LARGE1: variants seen among roughly 807,000 people sequenced by gnomAD.
The protein encoded by LARGE1 is LARGE xylosyl- and glucuronyltransferase 1.
Under a neutral mutation model 87.6 loss-of-function variants are expected in LARGE1, and 43 were observed. The ratio of observed to expected loss-of-function variants is 0.49; its 90% confidence interval spans 0.38 to 0.63. The LOEUF (loss-of-function observed/expected upper bound fraction) is 0.63, where lower values mean the gene tolerates loss of function less well. Among genes scored for constraint, LARGE1 ranks in the 30% least tolerant of loss-of-function variants. LARGE1 has a pLI of 0.00. For missense variants in LARGE1, 802 were observed against 1,000.2 expected, an observed-to-expected ratio of 0.80 and a Z score of 2.67; for synonymous variants, 434 against 394.6, an observed-to-expected ratio of 1.10 and a Z score of -1.18.
At chr22:33,367,842 T>C (rs951066619) in intron 9 of LARGE1, among the ~76,000 whole-genome samples, 29 of 152,356 alleles carry the variant, frequency 1.9e-4, no homozygotes, top group African/African-American at 6.7e-4. Flanking sequence ...CCTTACATGT[T>C]ATTTTATCCC....
At chr22:33,343,207 C>A (rs945818111) in intron 9 of LARGE1, among the ~76,000 whole-genome samples, 2 of 152,152 alleles carry the variant, frequency 1.3e-5, no homozygotes, top group Non-Finnish European at 2.9e-5. Flanking sequence ...GGGCTCACTG[C>A]AGCCTCAATC....
intron 11 of LARGE1, among the ~76,000 whole-genome samples, chr22:33,175,933 ATGGTAC>A (rs1922843162): frequency 6.6e-6 from 1 of 152,214 alleles, no homozygotes; most frequent in Non-Finnish European, 1.5e-5. Context: ...CCAAAACAGC[ATGGTAC>A]TGGTACCAAA....
In LARGE1 at chr22:33,457,521, TATTAA is replaced by T. The variant is rs1296718416; in HGVS notation, c.788-25261_788-25257del. ...TTTATGAAGTATAAAGGATAGTCCT[TATTAA>T]ATTAAAAAAAGATATAATTGCTGAC... On this transcript the variant is annotated intron_variant, in intron 6 of 14. Transcript: ENST00000397394. Among the ~76,000 whole-genome samples, 3 of 151,928 alleles carry T rather than the reference TATTAA, an allele frequency of 2.0e-5. No individual in the cohort carries two copies. The East Asian group carries it at 5.8e-4, about 29-fold the overall frequency.
chr22:33,711,161 G>A (rs757430888), intron 2 of LARGE1, among the ~76,000 whole-genome samples: 1 of 152,154 alleles, frequency 6.6e-6, no homozygotes, highest in Non-Finnish European at 1.5e-5. Context: ...GGTGAACAAG[G>A]TGAAGCAAGG....
chr22:33,277,370 C>T (rs1929536093), intron 13 of LARGE1, 115 bp from the exon 14 acceptor site: 1 of 967,718 alleles, frequency 1.0e-6, no homozygotes, highest in Non-Finnish European at 1.6e-6. Context: ...GTGAGTTGAA[C>T]TGTCTCCCTC....
intron 1 of LARGE1, among the ~76,000 whole-genome samples, chr22:33,777,611 C>T (rs1221080479): frequency 7.4e-6 from 1 of 135,688 alleles, no homozygotes; most frequent in Non-Finnish European, 1.6e-5. Context: ...CCACTGCACT[C>T]CAGTCTGGGC....
chr22:33,110,953 C>G, the LARGE1 span, among the ~76,000 whole-genome samples: 1 of 152,114 alleles, frequency 6.6e-6, no homozygotes. Flanking sequence ...CAGAGGTAAA[C>G]AAAAAAGCTC....
the LARGE1 span, among the ~76,000 whole-genome samples, chr22:33,146,929 T>G: frequency 6.6e-6 from 1 of 152,212 alleles, no homozygotes; most frequent in Non-Finnish European, 1.5e-5. Context: ...AACCCATTAG[T>G]CTGACCTTCA....
At chr22:33,667,777 T>C (rs1001819221) in intron 2 of LARGE1, among the ~76,000 whole-genome samples, 2 of 152,248 alleles carry the variant, frequency 1.3e-5, no homozygotes, top group East Asian at 1.9e-4. Context: ...GTTTATCACA[T>C]ACAAACATGC....
At chr22:33,363,248 G>A (rs1412970352) in intron 9 of LARGE1, among the ~76,000 whole-genome samples, 2 of 149,670 alleles carry the variant, frequency 1.3e-5, no homozygotes, top group East Asian at 1.9e-4. Context: ...GTATAAGTCC[G>A]TTTTCACGCT....
chr22:33,597,289 A>C (rs895653069), intron 5 of LARGE1, among the ~76,000 whole-genome samples: 11 of 152,102 alleles, frequency 7.2e-5, no homozygotes, highest in South Asian at 2.1e-4. Flanking sequence ...AAAAAAAAAA[A>C]AAAAAAAAAC....
intron 12 of LARGE1, among the ~76,000 whole-genome samples, chr22:33,299,113 A>G (rs1026143655): frequency 6.6e-6 from 1 of 151,968 alleles, no homozygotes; most frequent in African/African-American, 2.4e-5. Context: ...TGGGGAGACT[A>G]AAGTGGGAGC....
chr22:33,868,427 C>G (rs2064173248), intron 1 of LARGE1, among the ~76,000 whole-genome samples: 2 of 152,176 alleles, frequency 1.3e-5, no homozygotes, highest in Admixed American at 1.3e-4. Flanking sequence ...TGTATCTGAT[C>G]TACAAGGATT....
Position 33,304,254 on chromosome 22 carries a change from T to A in LARGE1, c.1705A>T (p.Met569Leu). Residue 569 changes from methionine to leucine, a missense_variant, in exon 12 of 15, where the codon ATG becomes TTG. Met to Leu is a conservative substitution (Grantham distance 15, BLOSUM62 2). Coordinates refer to ENST00000397394, the MANE Select transcript of LARGE1 (RefSeq NM_133642.5). Reference sequence around the variant, plus strand: ...CTGAGGTACTCATAGAGCCCATACATGGGCAGGAAGTCAATGTCAGACAGG... The same window carrying A: ...CTGAGGTACTCATAGAGCCCATACAAGGGCAGGAAGTCAATGTCAGACAGG... Reference protein sequence around the residue: ...MFLSDIDFLPMYGLYEYLRKS... With the variant: ...MFLSDIDFLPLYGLYEYLRKS... The A allele has an allele frequency of 6.2e-7, 1 of 1,614,256 alleles. No individual in the cohort carries two copies. Among genetic ancestry groups the A allele is most frequent in the South Asian group, 1.1e-5 (1 of 91,086 alleles).
intron 2 of LARGE1, among the ~76,000 whole-genome samples, chr22:33,652,477 G>A (rs545013935): frequency 6.6e-6 from 1 of 152,182 alleles, no homozygotes; most frequent in East Asian, 1.9e-4. Flanking sequence ...GTGGCACAAG[G>A]CATACCCAAA....
At chr22:33,565,042 A>T (rs1417040746) in intron 5 of LARGE1, 23 bp from the exon 6 acceptor site, 2 of 1,611,726 alleles carry the variant, frequency 1.2e-6, no homozygotes, top group Non-Finnish European at 1.7e-6. Flanking sequence ...AGGCAGAGAG[A>T]GAGTTGGAGA....
At chr22:33,327,229 G>A (rs948250719) in intron 10 of LARGE1, among the ~76,000 whole-genome samples, 8 of 152,168 alleles carry the variant, frequency 5.3e-5, no homozygotes, top group South Asian at 4.1e-4. Context: ...TAGTTGAGGT[G>A]ATGCTGTTGT....
chr22:33,083,953 C>T, the LARGE1 span, among the ~76,000 whole-genome samples: 1 of 152,200 alleles, frequency 6.6e-6, no homozygotes, highest in African/African-American at 2.4e-5. Flanking sequence ...TCTACCAGGC[C>T]CCTCATGATC....
intron 13 of LARGE1, 34 bp downstream of exon 13, chr22:33,283,168 G>T: frequency 6.2e-7 from 1 of 1,613,430 alleles, no homozygotes; most frequent in Non-Finnish European, 8.5e-7. Context: ...AGGCCTTCGA[G>T]CACCCCCAGA....
Sources: gnomAD v4.1 joint callset for allele counts (sites outside exome capture counted in the v4.1 genomes callset) on GRCh38, gnomAD v4.1.1 for gene constraint, MANE v1.5 for transcripts, NCBI Gene and HGNC (gene_info 2026-07-23, HGNC 2026-07-21) for gene names.